Variants in ENPP1 observed in about 807,000 individuals in gnomAD.
ENPP1 encodes the protein ectonucleotide pyrophosphatase/phosphodiesterase 1, also known as ectonucleotide pyrophosphatase/phosphodiesterase family member 1.
In ENPP1, 73 loss-of-function variants were observed where a neutral mutation model predicts 122.8. That is an observed-to-expected ratio of 0.59 (90% CI 0.49 to 0.72). The LOEUF is 0.72. Ranked by LOEUF, ENPP1 falls within the 30% of genes least tolerant of loss-of-function variation. The pLI is 0.00. For missense variants in ENPP1, 978 were observed against 1,128.1 expected (o/e 0.87, Z 1.91); for synonymous variants, 367 against 391.6 (o/e 0.94, Z 0.74).
chr6:131,817,871 G>A (rs983549795), intron 1 of ENPP1, among the ~76,000 whole-genome samples: 40 of 152,000 alleles, frequency 2.6e-4, no homozygotes, highest in African/African-American at 9.2e-4. Context: ...TTGTCACAGC[G>A]AATTGTCACA....
intron 20 of ENPP1, among the ~76,000 whole-genome samples, chr6:131,880,821 A>G (rs1655781182): frequency 6.6e-6 from 1 of 152,118 alleles, no homozygotes; most frequent in Non-Finnish European, 1.5e-5. Flanking sequence ...GGAAGACACG[A>G]GCCCAAACCA....
At position 131,893,518 on chromosome 6, in the gene ENPP1, TG is replaced by T. The variant is rs1782499813; in HGVS notation, c.*3008del. On this transcript the variant is annotated 3_prime_UTR_variant, in exon 25 of 25. Transcript: ENST00000647893. ...TAACATTCCTTGGATGGAACATTTT[TG>T]ACATTTTCCCATTTACAGCTACTTA... 1 of 152,270 alleles carries T rather than the reference TG, an allele frequency of 6.6e-6. No individual in the cohort carries two copies. The highest frequency in any genetic ancestry group is 1.5e-5 in the Non-Finnish European group (1 of 68,044). 9.4% of individuals were successfully genotyped at this position (152,270 alleles called of 1,614,324 possible). A position where few individuals can be genotyped will look rare whatever the true frequency, so the allele number is the denominator to read the frequency against.
Position 131,872,061 on chromosome 6 carries a change from C to T in ENPP1, c.1406-9C>T. 1.3e-6 allele frequency: 2 copies of T among 1,569,976 alleles called. No individual in the cohort carries two copies. The highest frequency in any genetic ancestry group is 8.7e-7 in the Non-Finnish European group (1 of 1,143,198). ...TCAACTATTAATTCTTATGTTTGTT[C>T]CCCTCCAGTTAACTATGAAGGCATT... is the stretch of plus-strand genomic sequence containing the variant. On this transcript the variant is annotated splice_polypyrimidine_tract_variant and intron_variant, in intron 13 of 24. Coordinates refer to ENST00000647893, the MANE Select transcript of ENPP1 (RefSeq NM_006208.3).
chr6:131,822,398 A>G (rs2114660863), intron 1 of ENPP1, among the ~76,000 whole-genome samples: 1 of 152,260 alleles, frequency 6.6e-6, no homozygotes, highest in Non-Finnish European at 1.5e-5. Context: ...GAGGAGTTGG[A>G]TTAGATGGGT....
intron 1 of ENPP1, among the ~76,000 whole-genome samples, chr6:131,838,810 A>G (rs1423274564): frequency 6.6e-6 from 1 of 152,174 alleles, no homozygotes; most frequent in Non-Finnish European, 1.5e-5. Flanking sequence ...GCAGGCATTG[A>G]AAGTATAACA....
chr6:131,841,512 A>G (rs1410464022), intron 1 of ENPP1, among the ~76,000 whole-genome samples: 1 of 152,220 alleles, frequency 6.6e-6, no homozygotes, highest in African/African-American at 2.4e-5. Flanking sequence ...CTTTTATGTA[A>G]TGCAGACACA....
At chr6:131,831,699 C>T (rs1781616613) in intron 1 of ENPP1, among the ~76,000 whole-genome samples, 1 of 152,120 alleles carries the variant, frequency 6.6e-6, no homozygotes, top group East Asian at 1.9e-4. Flanking sequence ...GGTAAAGTGC[C>T]ATTCTTAACT....
chr6:131,853,499 C>T (rs1398720932), intron 5 of ENPP1, among the ~76,000 whole-genome samples: 1 of 151,988 alleles, frequency 6.6e-6, no homozygotes, highest in Non-Finnish European at 1.5e-5. Context: ...ACGTGATGGC[C>T]CACTAACCTG....
intron 13 of ENPP1, 32 bp downstream of exon 13, chr6:131,869,521 G>T (rs775955888): frequency 6.2e-7 from 1 of 1,606,638 alleles, no homozygotes; most frequent in Non-Finnish European, 8.5e-7. Flanking sequence ...CTTTGAATAT[G>T]GTCATATTAA....
chr6:131,852,385 A>G, intron 5 of ENPP1, 150 bp downstream of exon 5: 1 of 635,366 alleles, frequency 1.6e-6, no homozygotes, highest in Admixed American at 2.8e-5. Context: ...GTTTGGTATG[A>G]GAACTGTTTT....
chr6:131,832,822 G>A (rs1781630749), intron 1 of ENPP1, among the ~76,000 whole-genome samples: 1 of 152,176 alleles, frequency 6.6e-6, no homozygotes, highest in Non-Finnish European at 1.5e-5. Flanking sequence ...TCATAGCATG[G>A]TGGCCTCCGT....
rs559105250 is a variant in ENPP1, at chr6:131,873,331, T to G, written c.1565+281T>G. Reference sequence around the variant, plus strand: ...TTCTGTAATGTGACAACCAAAAATGTCCGTCAGCGTTGCCAAAAGTCCCAT... The same window carrying G: ...TTCTGTAATGTGACAACCAAAAATGGCCGTCAGCGTTGCCAAAAGTCCCAT... On this transcript the variant is annotated intron_variant, in intron 15 of 24. Coordinates refer to ENST00000647893, the MANE Select transcript of ENPP1 (RefSeq NM_006208.3). 3.3e-5 allele frequency among the ~76,000 whole-genome samples: 5 copies of G among 152,232 alleles called. No homozygotes were observed. The South Asian group carries it at 1.0e-3, about 32-fold the overall frequency.
chr6:131,830,441 G>T (rs2114670044), intron 1 of ENPP1, among the ~76,000 whole-genome samples: 1 of 152,296 alleles, frequency 6.6e-6, no homozygotes, highest in East Asian at 1.9e-4. Context: ...GCAGCTGGAG[G>T]AGCAGTGGTG....
intron 18 of ENPP1, chr6:131,877,866 A>AAAATATAT (rs1562183349): frequency 9.4e-5 from 5 of 53,026 alleles, no homozygotes; most frequent in African/African-American, 1.9e-4. Context: ...AAAAAAAAAA[A>AAAATATAT]ATATATATAT....
At chr6:131,816,512 G>A (rs1472683086) in intron 1 of ENPP1, among the ~76,000 whole-genome samples, 1 of 152,132 alleles carries the variant, frequency 6.6e-6, no homozygotes, top group African/African-American at 2.4e-5. Context: ...CTTGTCATCG[G>A]ATAAAAACTA....
chr6:131,814,644 G>A (rs1781394206), intron 1 of ENPP1, among the ~76,000 whole-genome samples: 1 of 152,178 alleles, frequency 6.6e-6, no homozygotes, highest in Admixed American at 6.5e-5. Flanking sequence ...AAGGAAGAAT[G>A]TTCAAGCTAA....
rs555759968 is a variant in ENPP1, at chr6:131,893,095, A to G, written c.*2584A>G. ...TTTTAATATAATATCCAGGATTTTT[A>G]TATGCATTTAGCAGAAGGATGTCTA... On this transcript the variant is annotated 3_prime_UTR_variant, in exon 25 of 25. Transcript: ENST00000647893. 4 of 152,252 alleles carry G rather than the reference A, an allele frequency of 2.6e-5. No individual in the cohort carries two copies. The highest frequency in any genetic ancestry group is 4.4e-5 in the Non-Finnish European group (3 of 68,024). 9.4% of individuals were successfully genotyped at this position (152,252 alleles called of 1,614,324 possible).
chr6:131,813,575 C>A (rs1463037337), intron 1 of ENPP1, among the ~76,000 whole-genome samples: 1 of 151,952 alleles, frequency 6.6e-6, no homozygotes, highest in African/African-American at 2.4e-5. Flanking sequence ...TGCTATGTAG[C>A]AAAATTGATG....
intron 1 of ENPP1, among the ~76,000 whole-genome samples, chr6:131,817,754 T>TGC (rs1554275962): frequency 1.2e-4 from 17 of 146,444 alleles, no homozygotes; most frequent in Admixed American, 2.1e-4. Context: ...TCTCTCTCCA[T>TGC]ACACACACAC....
Sources: allele counts gnomAD v4.1 joint callset (sites outside exome capture counted in the v4.1 genomes callset), GRCh38; gene constraint gnomAD v4.1.1; transcripts MANE v1.5; gene names NCBI Gene and HGNC (gene_info 2026-07-23, HGNC 2026-07-21).